NKAIN2: variants seen among roughly 807,000 people sequenced by gnomAD.
The protein encoded by NKAIN2 is sodium/potassium-transporting ATPase subunit beta-1-interacting protein 2.
NKAIN2 carries 14 observed loss-of-function variants against 32.6 expected under a neutral mutation model. The ratio of observed to expected loss-of-function variants is 0.43; its 90% CI spans 0.28 to 0.67. The LOEUF (loss-of-function observed/expected upper bound fraction) is 0.67. Ranked by LOEUF, NKAIN2 falls within the 30% of genes least tolerant of loss-of-function variation. The pLI is 0.17. For missense variants in NKAIN2, 198 were observed against 258.3 expected (o/e 0.77, Z 1.60); for synonymous variants, 80 against 87.2 (o/e 0.92, Z 0.46).
At chr6:124,782,614 G>T (rs1018438603) in intron 4 of NKAIN2, among the ~76,000 whole-genome samples, 3 of 151,914 alleles carry the variant, frequency 2.0e-5, no homozygotes, top group Non-Finnish European at 4.4e-5. Flanking sequence ...TTCAATATGG[G>T]CAAATTTATT....
chr6:124,442,737 C>T (rs1775740917), intron 3 of NKAIN2, among the ~76,000 whole-genome samples: 1 of 152,098 alleles, frequency 6.6e-6, no homozygotes, highest in Non-Finnish European at 1.5e-5. Context: ...ATCCCAGTAG[C>T]ATGCCAGAAG....
chr6:124,412,346 G>T (rs922389333), intron 3 of NKAIN2, among the ~76,000 whole-genome samples: 2 of 152,138 alleles, frequency 1.3e-5, no homozygotes, highest in African/African-American at 4.8e-5. Context: ...ACGTACAGAT[G>T]GGTTTGGTGT....
At chr6:124,134,091 C>T (rs922506278) in intron 1 of NKAIN2, among the ~76,000 whole-genome samples, 11 of 148,294 alleles carry the variant, frequency 7.4e-5, no homozygotes, top group African/African-American at 2.7e-4. Context: ...ACTTGAGATA[C>T]CAAGAAAAAG....
intron 1 of NKAIN2, among the ~76,000 whole-genome samples, chr6:123,831,031 C>G (rs1282679207): frequency 1.3e-5 from 2 of 152,132 alleles, no homozygotes; most frequent in Non-Finnish European, 2.9e-5. Flanking sequence ...CTTTATGGAA[C>G]AATGCAAGTC....
intron 3 of NKAIN2, among the ~76,000 whole-genome samples, chr6:124,591,227 T>C (rs765403554): frequency 3.2e-4 from 48 of 152,228 alleles, no homozygotes; most frequent in Non-Finnish European, 1.9e-4. Context: ...AAAGTCTGTT[T>C]AAAAGTCAAC....
chr6:124,219,412 G>T (rs1645655626), intron 1 of NKAIN2, among the ~76,000 whole-genome samples: 1 of 151,488 alleles, frequency 6.6e-6, no homozygotes, highest in Non-Finnish European at 1.5e-5. Context: ...TGAGCAGCTG[G>T]GACTACAGGT....
At chr6:124,002,551 A>T (rs1779923667) in intron 1 of NKAIN2, among the ~76,000 whole-genome samples, 1 of 151,778 alleles carries the variant, frequency 6.6e-6, no homozygotes, top group Non-Finnish European at 1.5e-5. Flanking sequence ...CCTGCATATT[A>T]TCACCAAATG....
At chr6:124,278,053 T>C (rs1353197975) in intron 1 of NKAIN2, among the ~76,000 whole-genome samples, 2 of 152,172 alleles carry the variant, frequency 1.3e-5, no homozygotes, top group Non-Finnish European at 2.9e-5. Flanking sequence ...ATATTAGTTA[T>C]GAACAAAATG....
chr6:124,145,102 G>A (rs138394742), intron 1 of NKAIN2, among the ~76,000 whole-genome samples: 1 of 152,176 alleles, frequency 6.6e-6, no homozygotes, highest in East Asian at 1.9e-4. Flanking sequence ...TATCACAATG[G>A]CCAAAATAAA....
In NKAIN2 at chr6:124,283,198, A is replaced by G. The variant is rs539060966; in HGVS notation, c.192+56A>G. On this transcript the variant is annotated intron_variant, in intron 2 of 6. Coordinates refer to ENST00000368417, the MANE Select transcript of NKAIN2 (RefSeq NM_001040214.3). ...TATTGAACTAGAGAATGATGTGCAAACTCCAAATGCCTTGAAAACTTATGT... is the reference window on the plus strand; with the variant it reads ...TATTGAACTAGAGAATGATGTGCAAGCTCCAAATGCCTTGAAAACTTATGT... 11 of 1,258,794 alleles carry G rather than the reference A, an allele frequency of 8.7e-6. No individual in the cohort carries two copies. In the South Asian group the frequency reaches 1.3e-4, roughly 15 times the overall value. The allele number at this position is 1,258,794 out of a possible 1,614,324, so 78.0% of individuals were successfully genotyped here.
Position 124,824,031 on chromosome 6 carries a change from A to G in NKAIN2, c.*802A>G, listed in dbSNP as rs932054583. The G allele has an allele frequency of 1.3e-5, 2 of 152,216 alleles. No individual in the cohort carries two copies. Among genetic ancestry groups the G allele is most frequent in the South Asian group, 2.1e-4 (1 of 4,836 alleles). 9.4% of individuals were successfully genotyped at this position (152,216 alleles called of 1,614,324 possible). ...AAAAGAGACAAGTAACAATAACAATATCTGTCATCTTTATAATTCTAAAAT... is the reference window on the plus strand; with the variant it reads ...AAAAGAGACAAGTAACAATAACAATGTCTGTCATCTTTATAATTCTAAAAT... On this transcript the variant is annotated 3_prime_UTR_variant, in exon 7 of 7. Coordinates refer to ENST00000368417, the MANE Select transcript of NKAIN2 (RefSeq NM_001040214.3).
At chr6:124,366,841 T>A (rs1799537089) in intron 3 of NKAIN2, among the ~76,000 whole-genome samples, 1 of 150,944 alleles carries the variant, frequency 6.6e-6, no homozygotes, top group South Asian at 2.1e-4. Flanking sequence ...GGTGGGAGGA[T>A]CACTTAAGCC....
intron 3 of NKAIN2, among the ~76,000 whole-genome samples, chr6:124,576,126 C>A (rs1365990649): frequency 1.3e-5 from 2 of 152,134 alleles, no homozygotes; most frequent in African/African-American, 4.8e-5. Context: ...TAAATTTCAA[C>A]CCCTAATGAT....
Position 124,324,285 on chromosome 6 carries a change from A to G in NKAIN2, c.193-30982A>G, listed in dbSNP as rs146133624. Among the ~76,000 whole-genome samples, 8 of 152,212 alleles carry G rather than the reference A, an allele frequency of 5.3e-5. No homozygotes were observed. In the East Asian group the frequency reaches 1.4e-3, roughly 26 times the overall value. ...ATTTAGATCATCTTTGATTTCTTTCATAAGTGTTTTGTAGTTTTTACCATA... is the reference window on the plus strand; with the variant it reads ...ATTTAGATCATCTTTGATTTCTTTCGTAAGTGTTTTGTAGTTTTTACCATA... On this transcript the variant is annotated intron_variant, in intron 2 of 6. Coordinates refer to ENST00000368417, the MANE Select transcript of NKAIN2 (RefSeq NM_001040214.3).
At chr6:123,860,149 T>A (rs553909819) in intron 1 of NKAIN2, among the ~76,000 whole-genome samples, 1 of 152,268 alleles carries the variant, frequency 6.6e-6, no homozygotes, top group African/African-American at 2.4e-5. Flanking sequence ...AAGTACAAGA[T>A]GTTGAGGAGA....
At chr6:124,164,664 T>G (rs1788447565) in intron 1 of NKAIN2, among the ~76,000 whole-genome samples, 1 of 152,078 alleles carries the variant, frequency 6.6e-6, no homozygotes, top group African/African-American at 2.4e-5. Context: ...ATTATTTTTT[T>G]CAAATTGCTA....
chr6:124,105,307 T>G (rs1275596172), intron 1 of NKAIN2, among the ~76,000 whole-genome samples: 1 of 152,154 alleles, frequency 6.6e-6, no homozygotes, highest in Non-Finnish European at 1.5e-5. Context: ...TCTTTGGAGA[T>G]CTGCACGTCA....
intron 4 of NKAIN2, among the ~76,000 whole-genome samples, chr6:124,787,253 A>G (rs1486506340): frequency 2.6e-5 from 4 of 152,118 alleles, no homozygotes; most frequent in African/African-American, 9.7e-5. Context: ...AATAATCTGT[A>G]CAACAAACCC....
chr6:124,775,325 C>T (rs1231516259), intron 4 of NKAIN2, among the ~76,000 whole-genome samples: 1 of 152,142 alleles, frequency 6.6e-6, no homozygotes, highest in East Asian at 1.9e-4. Flanking sequence ...CCTTCTTTTG[C>T]AGCTTTCTTG....
Sources: gnomAD v4.1 joint callset for allele counts (sites outside exome capture counted in the v4.1 genomes callset) on GRCh38, gnomAD v4.1.1 for gene constraint, MANE v1.5 for transcripts, NCBI Gene and HGNC (gene_info 2026-07-23, HGNC 2026-07-21) for gene names.